MYO1D: variants seen among roughly 807,000 people sequenced by gnomAD.
MYO1D encodes myosin ID.
MYO1D carries 83 observed loss-of-function variants against 122.0 expected under a neutral mutation model. The ratio of observed to expected loss-of-function variants is 0.68; its 90% CI spans 0.57 to 0.82. The LOEUF (loss-of-function observed/expected upper bound fraction) is 0.82. Among genes scored for constraint, MYO1D ranks in the 40% least tolerant of loss-of-function variants. The pLI, the probability that MYO1D is intolerant of heterozygous loss-of-function variation, is 0.00. For synonymous variants in MYO1D, 464 were observed against 446.9 expected (o/e 1.04, Z -0.48); for missense variants, 1,157 against 1,269.5 (o/e 0.91, Z 1.35).
At chr17:32,807,373 A>AGG (rs1205966360) in intron 1 of MYO1D, among the ~76,000 whole-genome samples, 86 of 152,240 alleles carry the variant, frequency 5.6e-4, no homozygotes, top group Non-Finnish European at 1.1e-3. Flanking sequence ...TACATATTTA[A>AGG]AACAAAATTA....
chr17:32,705,877 A>G (rs1171552952), intron 16 of MYO1D, among the ~76,000 whole-genome samples: 2 of 152,156 alleles, frequency 1.3e-5, no homozygotes. Context: ...TGGTTTTATA[A>G]GAGAAAATCT....
At chr17:32,711,201 G>A (rs2089371699) in intron 16 of MYO1D, among the ~76,000 whole-genome samples, 1 of 152,164 alleles carries the variant, frequency 6.6e-6, no homozygotes, top group South Asian at 2.1e-4. Flanking sequence ...GAAATGAGAA[G>A]GGGCCTTGCA....
At chr17:32,844,393 T>C (rs969247283) in intron 1 of MYO1D, among the ~76,000 whole-genome samples, 20 of 147,030 alleles carry the variant, frequency 1.4e-4, no homozygotes, top group African/African-American at 4.7e-4. Context: ...ATATATACTA[T>C]ATATAATATG....
chr17:32,812,836 T>C (rs1005223121), intron 1 of MYO1D, among the ~76,000 whole-genome samples: 1 of 152,228 alleles, frequency 6.6e-6, no homozygotes, highest in Admixed American at 6.5e-5. Flanking sequence ...ATAATATTTA[T>C]TGAGTACCTA....
chr17:32,636,478 A>G (rs1018116349), intron 20 of MYO1D, among the ~76,000 whole-genome samples: 33 of 152,234 alleles, frequency 2.2e-4, no homozygotes, highest in African/African-American at 7.7e-4. Flanking sequence ...CAGACTTAAA[A>G]ACAATGACAG....
chr17:32,569,663 G>C (rs1468604973), intron 21 of MYO1D, among the ~76,000 whole-genome samples: 2 of 152,224 alleles, frequency 1.3e-5, no homozygotes, highest in African/African-American at 2.4e-5. Flanking sequence ...GTCTTGGAGA[G>C]ATGAGCAATG....
intron 20 of MYO1D, among the ~76,000 whole-genome samples, chr17:32,611,668 G>A (rs1049266327): frequency 6.6e-6 from 1 of 152,178 alleles, no homozygotes; most frequent in South Asian, 2.1e-4. Flanking sequence ...GTGAAACCCC[G>A]TCTCTACTAA....
intron 21 of MYO1D, among the ~76,000 whole-genome samples, chr17:32,597,806 T>C (rs532515045): frequency 1.4e-5 from 2 of 146,622 alleles, no homozygotes; most frequent in African/African-American, 5.1e-5. Flanking sequence ...AAGGTGGAGG[T>C]TGCAGTGAGC....
intron 16 of MYO1D, among the ~76,000 whole-genome samples, chr17:32,683,633 A>G (rs2088958695): frequency 6.6e-6 from 1 of 151,772 alleles, no homozygotes; most frequent in South Asian, 2.1e-4. Context: ...GCGTGCTGGG[A>G]GAACCACTGC....
intron 1 of MYO1D, among the ~76,000 whole-genome samples, chr17:32,804,489 C>T (rs2090491969): frequency 6.6e-6 from 1 of 152,182 alleles, no homozygotes; most frequent in African/African-American, 2.4e-5. Context: ...GACCCACCAT[C>T]TCCATAAGGC....
intron 21 of MYO1D, among the ~76,000 whole-genome samples, chr17:32,568,950 G>C (rs768427414): frequency 3.9e-5 from 6 of 152,174 alleles, no homozygotes; most frequent in Non-Finnish European, 5.9e-5. Flanking sequence ...TCTCTAGACT[G>C]GGAACTCCTT....
chr17:32,601,460 A>G (rs1434467487), intron 21 of MYO1D, among the ~76,000 whole-genome samples: 1 of 152,214 alleles, frequency 6.6e-6, no homozygotes, highest in Non-Finnish European at 1.5e-5. Context: ...ACATGGGTAC[A>G]GTTTGTGGTG....
At chr17:32,736,009 T>C (rs1276665984) in intron 14 of MYO1D, among the ~76,000 whole-genome samples, 2 of 152,076 alleles carry the variant, frequency 1.3e-5, no homozygotes, top group Non-Finnish European at 1.5e-5. Context: ...TTATGATGAA[T>C]ACCAATTATT....
At chr17:32,616,145 G>C (rs1319436216) in intron 20 of MYO1D, among the ~76,000 whole-genome samples, 1 of 152,142 alleles carries the variant, frequency 6.6e-6, no homozygotes, top group Non-Finnish European at 1.5e-5. Context: ...TGGGTATGCG[G>C]GGCAGGTAAC....
intron 16 of MYO1D, among the ~76,000 whole-genome samples, chr17:32,693,440 A>C (rs1045573912): frequency 6.6e-6 from 1 of 152,162 alleles, no homozygotes; most frequent in African/African-American, 2.4e-5. Context: ...TTTACTAAAC[A>C]TAGTGGGGGC....
intron 1 of MYO1D, among the ~76,000 whole-genome samples, chr17:32,795,115 A>G (rs1226783508): frequency 6.6e-6 from 1 of 152,214 alleles, no homozygotes; most frequent in Non-Finnish European, 1.5e-5. Context: ...TAATGAGGAT[A>G]GGGACAGGAG....
chr17:32,687,478 T>C (rs2150971546), intron 16 of MYO1D, among the ~76,000 whole-genome samples: 1 of 152,274 alleles, frequency 6.6e-6, no homozygotes, highest in Middle Eastern at 3.4e-3. Context: ...ATTACAGGTG[T>C]GAGCCACCGT....
intron 14 of MYO1D, among the ~76,000 whole-genome samples, chr17:32,727,880 CA>C (rs2089594813): frequency 6.6e-6 from 1 of 151,940 alleles, no homozygotes. Context: ...AAACTCTAGC[CA>C]AAAGAAAAGC....
intron 21 of MYO1D, chr17:32,531,383 T>G (rs1910503617): frequency 6.6e-6 from 1 of 152,162 alleles, no homozygotes; most frequent in African/African-American, 2.4e-5. Context: ...AGGATCTTGA[T>G]GGTGATCACG....
Sources: allele counts gnomAD v4.1 joint callset (sites outside exome capture counted in the v4.1 genomes callset), GRCh38; gene constraint gnomAD v4.1.1; transcripts MANE v1.5; gene names NCBI Gene and HGNC (gene_info 2026-07-23, HGNC 2026-07-21).